The following IDO2 variants were observed in gnomAD, a reference collection of about 807,000 sequenced individuals.
The protein encoded by IDO2 is indoleamine 2,3-dioxygenase-like 1 protein.
IDO2 carries 46 observed loss-of-function variants against 45.1 expected under a neutral mutation model. That is an observed-to-expected ratio of 1.02 (90% CI 0.80 to 1.30). The LOEUF is 1.30. Among genes scored for constraint, IDO2 ranks in the 50% most tolerant of loss-of-function variants. The probability of loss-of-function intolerance (pLI) is 0.00; values close to 1 mark genes in which losing one functional copy is unlikely to be tolerated. For missense variants in IDO2, 544 were observed against 491.8 expected, an observed-to-expected ratio of 1.11 and a Z score of -1.00; for synonymous variants, 218 against 184.9, an observed-to-expected ratio of 1.18 and a Z score of -1.45.
chr8:39,960,518 C>A (rs951172531), intron 2 of IDO2, among the ~76,000 whole-genome samples: 2 of 152,206 alleles, frequency 1.3e-5, no homozygotes, highest in African/African-American at 4.8e-5. Context: ...ATGCAAATTC[C>A]CTACTGCCTT....
intron 6 of IDO2, 68 bp downstream of exon 6, chr8:39,985,590 A>C: frequency 1.5e-6 from 2 of 1,302,072 alleles, no homozygotes; most frequent in Non-Finnish European, 2.2e-6. Context: ...CAATAAAACA[A>C]AGAACAAAGC....
chr8:39,951,423 G>A (rs1030618204), intron 2 of IDO2, among the ~76,000 whole-genome samples: 2 of 152,058 alleles, frequency 1.3e-5, no homozygotes, highest in African/African-American at 4.8e-5. Context: ...GGTACTGGAT[G>A]GACGCCTGAC....
intron 2 of IDO2, among the ~76,000 whole-genome samples, chr8:39,960,882 A>G (rs2129593756): frequency 6.6e-6 from 1 of 152,292 alleles, no homozygotes; most frequent in South Asian, 2.1e-4. Flanking sequence ...TCCCGGGTTC[A>G]TGCCATTCTC....
At chr8:40,006,200 C>T (rs1802217098) in intron 9 of IDO2, among the ~76,000 whole-genome samples, 1 of 152,214 alleles carries the variant, frequency 6.6e-6, no homozygotes, top group Non-Finnish European at 1.5e-5. Context: ...GGTGCAAAAG[C>T]ATACATATTC....
At chr8:39,989,960 C>T (rs1808477143) in intron 8 of IDO2, 122 bp downstream of exon 8, 6 of 601,934 alleles carry the variant, frequency 1.0e-5, no homozygotes, top group South Asian at 4.5e-5. Flanking sequence ...CACCAGATGA[C>T]GCTGGTGGAC....
chr8:39,990,103 G>A (rs1253161771), intron 8 of IDO2, among the ~76,000 whole-genome samples: 1 of 152,202 alleles, frequency 6.6e-6, no homozygotes, highest in African/African-American at 2.4e-5. Flanking sequence ...TCTTAGGCAT[G>A]TTGAGGTCTT....
chr8:39,992,851 C>T (rs1801959875), intron 8 of IDO2, among the ~76,000 whole-genome samples: 1 of 152,182 alleles, frequency 6.6e-6, no homozygotes, highest in Non-Finnish European at 1.5e-5. Flanking sequence ...GAGCCCTTCA[C>T]ACTCAGGGCT....
intron 8 of IDO2, among the ~76,000 whole-genome samples, chr8:39,994,660 AGCCTGAATCTGGGAAATTGTTCCTACG>A (rs1404736091): frequency 2.2e-5 from 1 of 46,462 alleles, no homozygotes; most frequent in Non-Finnish European, 6.0e-5. Context: ...GTCTCGGTTC[AGCCTGAATCTGGGAAATTGTTCCTACG>A]GTTCAGCCTG....
At chr8:39,997,944 G>A (rs1563439172) in intron 8 of IDO2, 2 of 221,232 alleles carry the variant, frequency 9.0e-6, no homozygotes, top group Non-Finnish European at 1.9e-5. Flanking sequence ...CTGCCCAGCA[G>A]CAGGTATGAA....
At chr8:39,941,409 T>C (rs918544554) in intron 1 of IDO2, among the ~76,000 whole-genome samples, 1 of 152,132 alleles carries the variant, frequency 6.6e-6, no homozygotes, top group Non-Finnish European at 1.5e-5. Flanking sequence ...TAAATCATTT[T>C]TGAGGGCTTG....
intron 9 of IDO2, among the ~76,000 whole-genome samples, chr8:40,010,366 G>A (rs916385042): frequency 6.6e-6 from 1 of 152,186 alleles, no homozygotes; most frequent in Non-Finnish European, 1.5e-5. Flanking sequence ...GAATAAGAAA[G>A]AGTGAGGTGA....
chr8:39,997,769 G>A (rs73621349), intron 8 of IDO2: 6 of 153,116 alleles, frequency 3.9e-5, no homozygotes, highest in African/African-American at 1.2e-4. Flanking sequence ...TACACAAAGG[G>A]ACACATTTTC....
At chr8:40,009,669 C>A (rs1441876368) in intron 9 of IDO2, among the ~76,000 whole-genome samples, 1 of 152,154 alleles carries the variant, frequency 6.6e-6, no homozygotes, top group Admixed American at 6.5e-5. Flanking sequence ...GAATTACCAA[C>A]CTAGAGAACA....
chr8:39,978,764 T>TCCAG (rs1372502468), intron 3 of IDO2, among the ~76,000 whole-genome samples: 2 of 151,944 alleles, frequency 1.3e-5, no homozygotes, highest in Admixed American at 6.6e-5. Flanking sequence ...CCTACAACAT[T>TCCAG]CCAGCCAAGC....
chr8:39,962,939 G>T (rs1808021669), intron 2 of IDO2, among the ~76,000 whole-genome samples: 1 of 152,254 alleles, frequency 6.6e-6, no homozygotes, highest in Non-Finnish European at 1.5e-5. Flanking sequence ...AATCGGGAAA[G>T]GGTGAGCCAA....
intron 1 of IDO2, among the ~76,000 whole-genome samples, chr8:39,940,071 T>A (rs1039995364): frequency 4.6e-5 from 7 of 152,306 alleles, no homozygotes; most frequent in African/African-American, 1.7e-4. Context: ...ATTCCCAGCC[T>A]TACTGTTACG....
chr8:39,989,928 AG>A (rs1023923171), intron 8 of IDO2, 90 bp downstream of exon 8: 1 of 743,112 alleles, frequency 1.3e-6, no homozygotes, highest in Non-Finnish European at 2.2e-6. Flanking sequence ...CATGTCCTGA[AG>A]GGGGTGATAA....
intron 9 of IDO2, among the ~76,000 whole-genome samples, chr8:40,011,353 A>G (rs545370357): frequency 1.3e-5 from 2 of 152,314 alleles, no homozygotes; most frequent in African/African-American, 2.4e-5. Flanking sequence ...AAAAGCCCCA[A>G]ATGACTACAT....
intron 3 of IDO2, among the ~76,000 whole-genome samples, chr8:39,966,836 C>T (rs1359488378): frequency 6.6e-6 from 1 of 151,986 alleles, no homozygotes; most frequent in Admixed American, 6.6e-5. Flanking sequence ...ACAAAATTAC[C>T]AAATAATATG....
Sources: allele counts gnomAD v4.1 joint callset (sites outside exome capture counted in the v4.1 genomes callset), GRCh38; gene constraint gnomAD v4.1.1; transcripts MANE v1.5; gene names NCBI Gene and HGNC (gene_info 2026-07-23, HGNC 2026-07-21).